The following AKAP12 variants were observed in gnomAD, a reference collection of about 807,000 sequenced individuals.
AKAP12 encodes A-kinase anchor protein 12.
A neutral mutation model predicts 79.9 loss-of-function variants in AKAP12; 32 were observed. The observed-to-expected ratio is 0.40, with a 90% CI of 0.30 to 0.54. The LOEUF is 0.54. Among genes scored for constraint, AKAP12 ranks in the 20% least tolerant of loss-of-function variants. The probability of loss-of-function intolerance (pLI) is 0.48; values close to 1 mark genes in which losing one functional copy is unlikely to be tolerated. For missense variants in AKAP12, 2,074 were observed against 2,177.0 expected (o/e 0.95, Z 0.94); for synonymous variants, 808 against 857.0 (o/e 0.94, Z 1.00).
intron 2 of AKAP12, among the ~76,000 whole-genome samples, chr6:151,305,093 C>T (rs1482607249): frequency 6.6e-6 from 1 of 152,152 alleles, no homozygotes; most frequent in Non-Finnish European, 1.5e-5. Flanking sequence ...ACAGCCCTTG[C>T]CTGTGGAAAT....
chr6:151,305,807 A>G lies in AKAP12; in HGVS notation c.223A>G (p.Ser75Gly). Residue 75 changes from serine to glycine, a missense_variant, in exon 3 of 5, where the codon AGC becomes GGC. This residue lies in a region of AKAP12 where 1,428 missense variants were observed against 1,451.0 expected (regional missense o/e 0.98). Coordinates refer to ENST00000402676, the MANE Select transcript of AKAP12 (RefSeq NM_005100.4). The part of the protein sequence containing the change: ...INGVAEQDEL[S>G]LQEGDLNGQK... ...TGGCGTAGCTGAGCAAGATGAGCTC[A>G]GCCTCCAGGAGGGTGACCTAAATGG... 1 of 1,614,118 alleles carries G rather than the reference A, an allele frequency of 6.2e-7. No homozygotes were observed. Among genetic ancestry groups the G allele is most frequent in the South Asian group, 1.1e-5 (1 of 91,062 alleles).
chr6:151,308,965 C>T (rs1030638829), intron 3 of AKAP12, among the ~76,000 whole-genome samples: 1 of 152,126 alleles, frequency 6.6e-6, no homozygotes, highest in Non-Finnish European at 1.5e-5. Context: ...GTTTCCATCT[C>T]CCGGGTTCAA....
At chr6:151,340,537 T>A (rs1413669929) in intron 3 of AKAP12, among the ~76,000 whole-genome samples, 1 of 152,054 alleles carries the variant, frequency 6.6e-6, no homozygotes, top group African/African-American at 2.4e-5. Context: ...ATTTTTGAAG[T>A]CCCAGTTGGA....
At chr6:151,322,792 C>G (rs1043169630) in intron 3 of AKAP12, among the ~76,000 whole-genome samples, 17 of 146,042 alleles carry the variant, frequency 1.2e-4, no homozygotes, top group African/African-American at 4.5e-4. Context: ...GCTCCCGAGG[C>G]CAGGGATAGT....
intron 3 of AKAP12, among the ~76,000 whole-genome samples, chr6:151,339,227 G>T (rs1582892425): frequency 6.6e-6 from 1 of 152,184 alleles, no homozygotes; most frequent in East Asian, 1.9e-4. Context: ...ATAAAAAGTT[G>T]TAATGATTTA....
rs142016119 is a variant in AKAP12, at chr6:151,353,338, C to T, written c.4947C>T (p.Ser1649=). The T allele has an allele frequency of 4.1e-5, 66 of 1,614,034 alleles. No individual in the cohort carries two copies. In the African/African-American group the frequency reaches 8.1e-4, roughly 20 times the overall value. The stretch of plus-strand genomic sequence containing the variant: ...CCATGACTGTTGAGGTAGAAGGTTC[C>T]ACTGTAAATGATCAGCAGCTGGAAG... ...EKTMTVEVEG[S]TVNDQQLEEV... is the part of the protein sequence containing the mutation. Residue 1649 remains serine (S), a synonymous_variant, in exon 4 of 5, where the codon TCC becomes TCT. Coordinates refer to ENST00000402676, the MANE Select transcript of AKAP12 (RefSeq NM_005100.4).
At chr6:151,295,883 C>G (rs977341229) in intron 2 of AKAP12, among the ~76,000 whole-genome samples, 1 of 152,154 alleles carries the variant, frequency 6.6e-6, no homozygotes, top group Admixed American at 6.6e-5. Context: ...GAAGGGGCCA[C>G]AGGGACTCTG....
chr6:151,351,952 GA>G lies in AKAP12; in HGVS notation c.3564del (p.Asp1189ThrfsTer55). The G allele has an allele frequency of 6.2e-7, 1 of 1,614,182 alleles. No individual in the cohort carries two copies. Among genetic ancestry groups the G allele is most frequent in the Non-Finnish European group, 8.5e-7 (1 of 1,180,038 alleles). On this transcript the variant is annotated frameshift_variant, in exon 4 of 5. Coordinates refer to ENST00000402676, the MANE Select transcript of AKAP12 (RefSeq NM_005100.4). LOFTEE classifies it low-confidence loss of function (END_TRUNC). This position sits in a 1 kb window ranked among gnomAD's most constrained non-coding sequence, Gnocchi z 4.4. ...ADFDAPGTTQ[K>X]DEIVEIHEEN... is the part of the protein sequence containing the mutation. ...ACTTTGACGCACCAGGCACAACCCA[GA>G]AAGACGAGATTGTGGAAATCCATGA...
At chr6:151,316,849 G>T (rs1777247313) in intron 3 of AKAP12, among the ~76,000 whole-genome samples, 1 of 152,078 alleles carries the variant, frequency 6.6e-6, no homozygotes, top group African/African-American at 2.4e-5. Context: ...TGTTGGCCAG[G>T]ATGGTCTCGA....
intron 2 of AKAP12, among the ~76,000 whole-genome samples, chr6:151,268,049 C>T (rs939153952): frequency 6.6e-6 from 1 of 152,198 alleles, no homozygotes; most frequent in African/African-American, 2.4e-5. Flanking sequence ...CCATCCCCAA[C>T]TCCCATTTTA....
At chr6:151,310,710 T>C (rs1027751754) in intron 3 of AKAP12, among the ~76,000 whole-genome samples, 22 of 152,260 alleles carry the variant, frequency 1.4e-4, no homozygotes, top group Admixed American at 1.4e-3. Flanking sequence ...TTTATTTTGA[T>C]AATAGCATAT....
intron 3 of AKAP12, among the ~76,000 whole-genome samples, chr6:151,308,526 T>C (rs1166517492): frequency 1.3e-5 from 2 of 152,056 alleles, no homozygotes; most frequent in Non-Finnish European, 2.9e-5. Flanking sequence ...TAATATACCT[T>C]GTCCTTCCCA....
Position 151,352,705 on chromosome 6 carries a change from A to G in AKAP12, c.4314A>G (p.Leu1438=). 6.2e-7 allele frequency: 1 copy of G among 1,614,234 alleles called. No homozygotes were observed. The highest frequency in any genetic ancestry group is 1.7e-5 in the Admixed American group (1 of 60,034). Residue 1438 remains leucine, a synonymous_variant, in exon 4 of 5, where the codon TTA becomes TTG. Transcript: ENST00000402676. ...TCTTAGGAGAAACTGCCAACATTTTAGAAACAGGTGAAACGTTGGAGCCTG... is the reference window on the plus strand; with the variant it reads ...TCTTAGGAGAAACTGCCAACATTTTGGAAACAGGTGAAACGTTGGAGCCTG... ...EKVLGETANI[L]ETGETLEPAG... is the part of the protein sequence containing the mutation.
intron 3 of AKAP12, among the ~76,000 whole-genome samples, chr6:151,345,926 T>TGAGAGAGAGAGAGA (rs1562750399): frequency 1.0e-4 from 11 of 107,558 alleles, no homozygotes; most frequent in African/African-American, 3.4e-4. Context: ...TGTGTGTGTG[T>TGAGAGAGAGAGAGA]GTGTGTGAGA....
rs151106930 is a variant in AKAP12, at chr6:151,313,356, A to G, written c.319+7453A>G. Among the ~76,000 whole-genome samples, 392 of 152,358 alleles carry G rather than the reference A, an allele frequency of 2.6e-3. 1 individual carries two copies. Among genetic ancestry groups the G allele is most frequent in the African/African-American group, 9.0e-3 (375 of 41,582 alleles). ...CAATATTATTGCATGACATTTTCTC[A>G]AGCTGTATCCTGTTTTGTAATGTTT... On this transcript the variant is annotated intron_variant, in intron 3 of 4. Transcript: ENST00000402676.
intron 3 of AKAP12, among the ~76,000 whole-genome samples, chr6:151,307,124 G>A (rs1776992741): frequency 6.6e-6 from 1 of 152,224 alleles, no homozygotes; most frequent in Non-Finnish European, 1.5e-5. Flanking sequence ...GCTGGATTTA[G>A]ATGTGTGTAA....
At chr6:151,320,185 A>G (rs1254772593) in intron 3 of AKAP12, among the ~76,000 whole-genome samples, 1 of 151,990 alleles carries the variant, frequency 6.6e-6, no homozygotes, top group Non-Finnish European at 1.5e-5. Flanking sequence ...AAATAGAGGA[A>G]AGTAGCCTGC....
intron 3 of AKAP12, among the ~76,000 whole-genome samples, chr6:151,321,136 G>A (rs538165198): frequency 3.7e-4 from 56 of 152,126 alleles, no homozygotes; most frequent in African/African-American, 9.6e-4. Context: ...ACAGGCGTGC[G>A]CCACAATGTC....
chr6:151,302,071 C>T (rs1486171575), intron 2 of AKAP12, among the ~76,000 whole-genome samples: 4 of 149,188 alleles, frequency 2.7e-5, no homozygotes, highest in African/African-American at 5.0e-5. Flanking sequence ...GGCTGGAGTG[C>T]GTGATCTCAG....
Sources: allele counts gnomAD v4.1 joint callset (sites outside exome capture counted in the v4.1 genomes callset), GRCh38; gene constraint gnomAD v4.1.1; regional missense constraint gnomAD v4.1.1; non-coding constraint Gnocchi (gnomAD v3.1); transcripts MANE v1.5; gene names NCBI Gene and HGNC (gene_info 2026-07-23, HGNC 2026-07-21).